PALS2: variants seen among roughly 807,000 people sequenced by gnomAD.
PALS2 encodes the protein protein associated with LIN7 2, MAGUK p55 family member, also known as protein PALS2.
Under a neutral mutation model 61.6 loss-of-function variants are expected in PALS2, and 27 were observed. The ratio of observed to expected loss-of-function variants is 0.44; its 90% CI spans 0.32 to 0.60. PALS2 has a LOEUF of 0.60. Ranked by LOEUF, PALS2 falls within the 20% of genes least tolerant of loss-of-function variation. The pLI is 0.05. For synonymous variants in PALS2, 236 were observed against 218.6 expected (o/e 1.08, Z -0.70); for missense variants, 554 against 639.4 (o/e 0.87, Z 1.44).
intron 11 of PALS2, among the ~76,000 whole-genome samples, chr7:24,681,702 G>A (rs1787943875): frequency 6.6e-6 from 1 of 151,934 alleles, no homozygotes; most frequent in African/African-American, 2.4e-5. Flanking sequence ...CCACATATTT[G>A]TACTCATGAA....
At chr7:24,616,802 C>G (rs1280534246) in intron 1 of PALS2, among the ~76,000 whole-genome samples, 1 of 152,080 alleles carries the variant, frequency 6.6e-6, no homozygotes, top group African/African-American at 2.4e-5. Context: ...GTTTTGATTT[C>G]TTCGTCTATG....
chr7:24,585,490 T>G (rs1269471464), intron 1 of PALS2, among the ~76,000 whole-genome samples: 1 of 150,962 alleles, frequency 6.6e-6, no homozygotes, highest in Admixed American at 6.6e-5. Flanking sequence ...TGTTTGAGAT[T>G]AAAAAAAAAT....
intron 5 of PALS2, among the ~76,000 whole-genome samples, chr7:24,654,839 TC>T (rs1299281920): frequency 1.3e-5 from 2 of 152,138 alleles, no homozygotes; most frequent in Non-Finnish European, 2.9e-5. Flanking sequence ...GACAGCATGA[TC>T]AATGGACTTT....
In PALS2 at chr7:24,687,722, C is replaced by T; in HGVS notation, c.*108C>T. The T allele has an allele frequency of 1.7e-6, 2 of 1,161,380 alleles. No individual in the cohort carries two copies. Among genetic ancestry groups the T allele is most frequent in the Non-Finnish European group, 1.2e-6 (1 of 846,022 alleles). 71.9% of individuals were successfully genotyped at this position (1,161,380 alleles called of 1,614,324 possible). A position where few individuals can be genotyped will look rare whatever the true frequency, so the allele number is the denominator to read the frequency against. On this transcript the variant is annotated 3_prime_UTR_variant, in exon 12 of 12. Coordinates refer to ENST00000222644, the MANE Select transcript of PALS2 (RefSeq NM_001303037.2). The surrounding 1 kb of genome is among the most constrained non-coding windows in gnomAD (Gnocchi z 4.5). ...CAGATAGAAGATTATCTGCTAAGTC[C>T]AGGCATTTTTATGGTGTAGATTGAA...
At chr7:24,681,807 C>A (rs1787950209) in intron 11 of PALS2, among the ~76,000 whole-genome samples, 1 of 152,190 alleles carries the variant, frequency 6.6e-6, no homozygotes, top group Non-Finnish European at 1.5e-5. Context: ...CCCCCTACCA[C>A]TGTCACCTTT....
intron 5 of PALS2, among the ~76,000 whole-genome samples, chr7:24,655,967 A>T (rs55767400): frequency 6.6e-6 from 1 of 152,122 alleles, no homozygotes; most frequent in South Asian, 2.1e-4. Context: ...TCTTGCTGTT[A>T]TCAAAAATGT....
intron 2 of PALS2, among the ~76,000 whole-genome samples, chr7:24,624,989 C>A (rs1784681965): frequency 6.6e-6 from 1 of 152,130 alleles, no homozygotes; most frequent in Non-Finnish European, 1.5e-5. Context: ...AATCCATTTG[C>A]AGATCATCCA....
At chr7:24,640,571 G>A (rs76583494) in intron 2 of PALS2, among the ~76,000 whole-genome samples, 7,892 of 152,150 alleles carry the variant, frequency 0.052, 264 homozygotes, top group African/African-American at 0.091. Flanking sequence ...ATTAAATTTT[G>A]ATAATTACGC....
intron 9 of PALS2, among the ~76,000 whole-genome samples, chr7:24,676,575 G>GT (rs1787606618): frequency 6.6e-6 from 1 of 152,024 alleles, no homozygotes; most frequent in East Asian, 1.9e-4. Flanking sequence ...AAGGGATCCA[G>GT]TTTCAGCTTT....
chr7:24,607,629 A>G (rs1463687339), intron 1 of PALS2, among the ~76,000 whole-genome samples: 1 of 150,854 alleles, frequency 6.6e-6, no homozygotes, highest in Non-Finnish European at 1.5e-5. Context: ...GTGTGTATAT[A>G]TACATATATG....
At chr7:24,617,754 C>T (rs1202671743) in intron 1 of PALS2, among the ~76,000 whole-genome samples, 2 of 152,190 alleles carry the variant, frequency 1.3e-5, no homozygotes, top group African/African-American at 4.8e-5. Context: ...TGAGTGAACG[C>T]TGTGATGAGG....
chr7:24,645,986 A>C (rs755136850), intron 3 of PALS2, among the ~76,000 whole-genome samples: 3 of 152,070 alleles, frequency 2.0e-5, no homozygotes, highest in African/African-American at 7.2e-5. Context: ...CAAAATTTGT[A>C]TCATTCGGAA....
intron 1 of PALS2, among the ~76,000 whole-genome samples, chr7:24,575,649 CAG>C (rs1272361553): frequency 3.9e-5 from 6 of 152,146 alleles, no homozygotes; most frequent in East Asian, 3.8e-4. Context: ...CAGAATAAAA[CAG>C]ATATTTTAAT....
At chr7:24,578,036 T>C (rs1026076663) in intron 1 of PALS2, among the ~76,000 whole-genome samples, 38 of 152,000 alleles carry the variant, frequency 2.5e-4, no homozygotes, top group Non-Finnish European at 7.4e-5. Flanking sequence ...CTGGAACTCC[T>C]AGGCTCAAGT....
rs563101007 is a variant in PALS2, at chr7:24,591,518, A to C, written c.-3+17925A>C. 1.8e-4 allele frequency among the ~76,000 whole-genome samples: 28 copies of C among 152,296 alleles called. 2 individuals carry two copies. The South Asian group carries it at 5.6e-3, about 30-fold the overall frequency. Reference sequence around the variant, plus strand: ...GTGATGTGTCTGGAGTAATACTAAGAATTAGAGTACAAAAATAAATAAAAT... The same window carrying C: ...GTGATGTGTCTGGAGTAATACTAAGCATTAGAGTACAAAAATAAATAAAAT... On this transcript the variant is annotated intron_variant, in intron 1 of 11. Coordinates refer to ENST00000222644, the MANE Select transcript of PALS2 (RefSeq NM_001303037.2).
In PALS2 at chr7:24,641,761, A is replaced by G. The variant is rs1785568137; in HGVS notation, c.163A>G (p.Asn55Asp). 5 of 1,612,264 alleles carry G rather than the reference A, an allele frequency of 3.1e-6. No individual in the cohort carries two copies. In the East Asian group the frequency reaches 8.9e-5, roughly 29 times the overall value. The stretch of plus-strand genomic sequence containing the variant: ...TTCCAAACTAGAAGCTGTCAGTGAC[A>G]ATAACTTGGAATTAGTCAATGAAAT... Reference protein sequence around the residue: ...EDSKLEAVSDNNLELVNEILE... With the variant: ...EDSKLEAVSDDNLELVNEILE... Residue 55 changes from asparagine (N) to aspartate (D), a missense_variant, in exon 3 of 12, where the codon AAT becomes GAT. By Grantham distance (23) the Asn-to-Asp change is conservative. Transcript: ENST00000222644.
At chr7:24,602,246 ATTC>A (rs1184111427) in intron 1 of PALS2, among the ~76,000 whole-genome samples, 16 of 151,728 alleles carry the variant, frequency 1.1e-4, no homozygotes, top group Admixed American at 6.6e-5. Flanking sequence ...TGAGTATGAT[ATTC>A]TTCTTTTTCT....
rs1788531576 is a variant in PALS2 at position 24,692,749 on chromosome 7, C to G, written c.*5135C>G. 1 of 152,258 alleles carries G rather than the reference C, an allele frequency of 6.6e-6. No homozygotes were observed. The highest frequency in any genetic ancestry group is 3.4e-3 in the Middle Eastern group (1 of 294). 9.4% of individuals were successfully genotyped at this position (152,258 alleles called of 1,614,324 possible). ...TCAAACAAAATGTAAGCAAGCAATC[C>G]AGTACTCGGTTACACCAGAAGACTC... On this transcript the variant is annotated 3_prime_UTR_variant, in exon 12 of 12. Coordinates refer to ENST00000222644, the MANE Select transcript of PALS2 (RefSeq NM_001303037.2).
intron 11 of PALS2, among the ~76,000 whole-genome samples, chr7:24,685,628 C>T (rs1027212620): frequency 6.7e-6 from 1 of 149,448 alleles, no homozygotes; most frequent in African/African-American, 2.5e-5. Flanking sequence ...GTATGGCATA[C>T]TCCGTTATTG....
Sources: allele counts gnomAD v4.1 joint callset (sites outside exome capture counted in the v4.1 genomes callset), GRCh38; gene constraint gnomAD v4.1.1; non-coding constraint Gnocchi (gnomAD v3.1); transcripts MANE v1.5; gene names NCBI Gene and HGNC (gene_info 2026-07-23, HGNC 2026-07-21).